RALGPS2: variants seen among roughly 807,000 people sequenced by gnomAD.
RALGPS2 encodes Ral GEF with PH domain and SH3 binding motif 2.
In RALGPS2, 43 loss-of-function variants were observed where a neutral mutation model predicts 86.8. The ratio of observed to expected loss-of-function variants is 0.50; its 90% confidence interval spans 0.39 to 0.64. The LOEUF is 0.64. RALGPS2 is among the 30% of genes least tolerant of loss of function. The pLI, the probability that RALGPS2 is intolerant of heterozygous loss-of-function variation, is 0.00. For synonymous variants in RALGPS2, 243 were observed against 231.3 expected (o/e 1.05, Z -0.46); for missense variants, 536 against 694.6 (o/e 0.77, Z 2.57).
At chr1:178,820,605 A>G (rs1015292961) in intron 6 of RALGPS2, among the ~76,000 whole-genome samples, 1 of 152,188 alleles carries the variant, frequency 6.6e-6, no homozygotes, top group Non-Finnish European at 1.5e-5. Flanking sequence ...CCCTATATAT[A>G]CTTTTATTCT....
intron 14 of RALGPS2, 51 bp downstream of exon 14, chr1:178,889,747 A>G: frequency 7.7e-7 from 1 of 1,298,740 alleles, no homozygotes; most frequent in Non-Finnish European, 1.1e-6. Flanking sequence ...TGTCTGGGTT[A>G]AATAATATAA....
chr1:178,900,208 T>C (rs1262073092), intron 17 of RALGPS2, among the ~76,000 whole-genome samples: 2 of 151,948 alleles, frequency 1.3e-5, no homozygotes, highest in African/African-American at 4.8e-5. Context: ...TAGATTAAAA[T>C]ATACCTGTTC....
Position 178,738,716 on chromosome 1 carries a change from C to T in RALGPS2, c.-84+13297C>T, listed in dbSNP as rs1406147240. On this transcript the variant is annotated intron_variant, in intron 1 of 19. Coordinates refer to ENST00000367635, the MANE Select transcript of RALGPS2 (RefSeq NM_152663.5). ...AGTCTGTATGAATCTGGGCAAGTTA[C>T]TTAATTTGTTTAACATTCAGCTTTT... Among the ~76,000 whole-genome samples the T allele has an allele frequency of 1.7e-4, 26 of 152,108 alleles. 1 individual carries two copies. Among genetic ancestry groups the T allele is most frequent in the Admixed American group, 1.6e-3 (25 of 15,262 alleles).
chr1:178,757,923 T>G (rs115106490), intron 1 of RALGPS2, among the ~76,000 whole-genome samples: 4,416 of 152,220 alleles, frequency 0.029, 208 homozygotes, highest in African/African-American at 0.1. Context: ...GTCTAGGGCC[T>G]TTTTTGGTTG....
chr1:178,855,920 G>A (rs1219259771), intron 8 of RALGPS2, among the ~76,000 whole-genome samples: 2 of 148,820 alleles, frequency 1.3e-5, no homozygotes, highest in African/African-American at 2.5e-5. Flanking sequence ...GTTAATACAC[G>A]AATTACATTG....
At chr1:178,797,173 AT>A (rs1357079754) in intron 4 of RALGPS2, among the ~76,000 whole-genome samples, 10 of 152,224 alleles carry the variant, frequency 6.6e-5, no homozygotes, top group Non-Finnish European at 2.9e-5. Context: ...GTATAGACTA[AT>A]TCTTGACCAG....
At position 178,886,130 on chromosome 1, in the gene RALGPS2, ACTT is replaced by A. The variant is rs1472874506; in HGVS notation, c.1192+13_1192+15del. The A allele has an allele frequency of 4.4e-6, 7 of 1,604,170 alleles. No homozygotes were observed. The highest frequency in any genetic ancestry group is 5.9e-6 in the Non-Finnish European group (7 of 1,177,116). The stretch of plus-strand genomic sequence containing the variant: ...AGTGGAATATCAATAGGTGAGAAAT[ACTT>A]CTCTGAGAGGGTTGCAATTTAACTT... On this transcript the variant is annotated intron_variant, in intron 13 of 19. Transcript: ENST00000367635.
Position 178,725,420 on chromosome 1 carries a change from G to T in RALGPS2, c.-84+1G>T, listed in dbSNP as rs1199224445. 1.3e-5 allele frequency: 2 copies of T among 148,928 alleles called. No individual in the cohort carries two copies. The highest frequency in any genetic ancestry group is 3.0e-5 in the Non-Finnish European group (2 of 67,320). 9.2% of individuals were successfully genotyped at this position (148,928 alleles called of 1,614,324 possible). Reference sequence around the variant, plus strand: ...TGAGGCGACGGCCGCGGCTGCACAGGTCGGTGGGCTCAGGCCGCGGGGCGG... The same window carrying T: ...TGAGGCGACGGCCGCGGCTGCACAGTTCGGTGGGCTCAGGCCGCGGGGCGG... On this transcript the variant is annotated splice_donor_variant, in intron 1 of 19. Transcript: ENST00000367635. LOFTEE classifies it low-confidence loss of function (5UTR_SPLICE).
intron 8 of RALGPS2, among the ~76,000 whole-genome samples, chr1:178,856,502 G>A (rs993830951): frequency 1.1e-4 from 16 of 140,106 alleles, no homozygotes; most frequent in African/African-American, 2.2e-4. Context: ...GTCTCAAGTC[G>A]GACTTCAGAC....
chr1:178,725,537 C>G (rs912336530), intron 1 of RALGPS2, 118 bp downstream of exon 1: 1 of 152,452 alleles, frequency 6.6e-6, no homozygotes, highest in African/African-American at 2.4e-5. Context: ...GTGGCTCTCC[C>G]GGCCGCGGGC....
chr1:178,856,194 GAGAGAGAGATATATATATATATATATAT>G (rs145316534), intron 8 of RALGPS2, among the ~76,000 whole-genome samples: 34,718 of 99,062 alleles, frequency 0.35, 5,367 homozygotes, highest in Non-Finnish European at 0.39. Flanking sequence ...CTTTTCCAGA[GAGAGAGAGATATATATATATATATATAT>G]ATATATATAT....
intron 18 of RALGPS2, among the ~76,000 whole-genome samples, chr1:178,906,526 T>G (rs995877306): frequency 6.6e-6 from 1 of 152,214 alleles, no homozygotes; most frequent in African/African-American, 2.4e-5. Context: ...GACAAAATTA[T>G]TTCTTCTAAT....
chr1:178,889,370 A>G (rs1262097560), intron 13 of RALGPS2, among the ~76,000 whole-genome samples: 1 of 152,040 alleles, frequency 6.6e-6, no homozygotes, highest in Non-Finnish European at 1.5e-5. Context: ...AAAATTGTTT[A>G]TTGACATAAT....
At chr1:178,741,952 A>G (rs1651052888) in intron 1 of RALGPS2, among the ~76,000 whole-genome samples, 1 of 152,018 alleles carries the variant, frequency 6.6e-6, no homozygotes, top group South Asian at 2.1e-4. Context: ...CCTGGCCAAC[A>G]TGTTGAGACC....
chr1:178,776,572 A>G (rs1334016743), intron 1 of RALGPS2, 110 bp from the exon 2 acceptor site: 2 of 449,814 alleles, frequency 4.4e-6, no homozygotes, highest in Non-Finnish European at 7.9e-6. Flanking sequence ...AAGATAATAA[A>G]TAGAGTTTAG....
rs551354960 is a variant in RALGPS2, at chr1:178,846,642, A to T, written c.607+13092A>T. Among the ~76,000 whole-genome samples the T allele has an allele frequency of 5.3e-5, 8 of 152,304 alleles. No homozygotes were observed. The South Asian group carries it at 1.7e-3, about 32-fold the overall frequency. ...CTGGGGGTGGGGTTGTGTTAATTTCATCCCCATGTTCATAGTGTTTTCTTT... is the reference window on the plus strand; with the variant it reads ...CTGGGGGTGGGGTTGTGTTAATTTCTTCCCCATGTTCATAGTGTTTTCTTT... On this transcript the variant is annotated intron_variant, in intron 8 of 19. Coordinates refer to ENST00000367635, the MANE Select transcript of RALGPS2 (RefSeq NM_152663.5).
intron 8 of RALGPS2, chr1:178,853,262 C>T: frequency 1.0e-6 from 1 of 961,106 alleles, no homozygotes; most frequent in Non-Finnish European, 1.2e-6. Context: ...GTATACTACC[C>T]AGATCCTTAA....
chr1:178,871,549 T>C (rs1658758888), intron 8 of RALGPS2, among the ~76,000 whole-genome samples: 1 of 152,166 alleles, frequency 6.6e-6, no homozygotes, highest in African/African-American at 2.4e-5. Flanking sequence ...GGTTTTAAAC[T>C]TACAAGAAAC....
At position 178,773,821 on chromosome 1, in the gene RALGPS2, T is replaced by C. The variant is rs74593257; in HGVS notation, c.-83-2861T>C. Among the ~76,000 whole-genome samples, 509 of 152,072 alleles carry C rather than the reference T, an allele frequency of 3.3e-3. 3 individuals carry two copies. Among genetic ancestry groups the C allele is most frequent in the African/African-American group, 0.012 (501 of 41,480 alleles). ...AAAAAAAAAAAAAATACTATTGACA[T>C]GTACATTTGTAAATAGTTACGAAAA... On this transcript the variant is annotated intron_variant, in intron 1 of 19. Coordinates refer to ENST00000367635, the MANE Select transcript of RALGPS2 (RefSeq NM_152663.5).
Sources: gnomAD v4.1 joint callset for allele counts (sites outside exome capture counted in the v4.1 genomes callset) on GRCh38, gnomAD v4.1.1 for gene constraint, MANE v1.5 for transcripts, NCBI Gene and HGNC (gene_info 2026-07-23, HGNC 2026-07-21) for gene names.